Variants in METTL15 observed in about 807,000 individuals in gnomAD.
METTL15 encodes 12S rRNA N(4)-cytidine methyltransferase METTL15.
METTL15 carries 34 observed loss-of-function variants against 38.3 expected under a neutral mutation model. That is an observed-to-expected ratio of 0.89 (90% CI 0.68 to 1.18). The LOEUF is 1.18. Ranked by LOEUF, METTL15 falls within the 50% of genes most tolerant of loss-of-function variation. METTL15 has a pLI of 0.00. For missense variants in METTL15, 438 were observed against 498.4 expected (o/e 0.88, Z 1.15); for synonymous variants, 162 against 170.9 (o/e 0.95, Z 0.41).
intron 4 of METTL15, among the ~76,000 whole-genome samples, chr11:28,360,962 T>C (rs1421219319): frequency 6.6e-6 from 1 of 151,984 alleles, no homozygotes; most frequent in Non-Finnish European, 1.5e-5. Context: ...TCCAATTTCA[T>C]CCATGTCCCT....
At chr11:28,213,404 A>G (rs1457530717) in intron 4 of METTL15, among the ~76,000 whole-genome samples, 2 of 152,084 alleles carry the variant, frequency 1.3e-5, no homozygotes, top group Admixed American at 6.5e-5. Context: ...TTCAGAGGGA[A>G]GACCAACCAT....
rs1345255077 is a variant in METTL15 at position 28,311,828 on chromosome 11, A to T, written c.778+14897A>T. On this transcript the variant is annotated intron_variant, in intron 6 of 6. Transcript: ENST00000407364. Reference sequence around the variant, plus strand: ...GAGTGAGTTAGTGGGTAATTGAGTGAGTTGGACAGTGCTATACAAATTTCA... The same window carrying T: ...GAGTGAGTTAGTGGGTAATTGAGTGTGTTGGACAGTGCTATACAAATTTCA... Among the ~76,000 whole-genome samples the T allele has an allele frequency of 2.0e-5, 3 of 152,360 alleles. No homozygotes were observed. In the East Asian group the frequency reaches 5.8e-4, roughly 29 times the overall value.
chr11:28,278,230 T>C (rs1473653493), intron 4 of METTL15, among the ~76,000 whole-genome samples: 5 of 152,078 alleles, frequency 3.3e-5, no homozygotes, highest in African/African-American at 7.2e-5. Context: ...CACTGGGGCA[T>C]TGGAATTTAA....
At chr11:28,389,184 T>C (rs566687839) in intron 5 of METTL15, among the ~76,000 whole-genome samples, 1 of 151,964 alleles carries the variant, frequency 6.6e-6, no homozygotes, top group East Asian at 2.0e-4. Context: ...TATAATCCTT[T>C]GGGTATATAC....
At chr11:28,461,512 T>C (rs1851214497) in intron 6 of METTL15, among the ~76,000 whole-genome samples, 1 of 152,080 alleles carries the variant, frequency 6.6e-6, no homozygotes, top group Admixed American at 6.6e-5. Flanking sequence ...CTGTCTGTTA[T>C]ACAATGTAGC....
intron 6 of METTL15, among the ~76,000 whole-genome samples, chr11:28,465,613 C>G (rs1451525598): frequency 2.0e-5 from 3 of 152,176 alleles, no homozygotes; most frequent in African/African-American, 7.2e-5. Context: ...TAATGGTTGC[C>G]AAATCAGAAA....
intron 5 of METTL15, among the ~76,000 whole-genome samples, chr11:28,383,302 A>T (rs368385260): frequency 1.5e-3 from 228 of 152,090 alleles, no homozygotes; most frequent in African/African-American, 5.4e-3. Context: ...TGATCTCATT[A>T]TTTTTATGGG....
At chr11:28,417,045 T>G (rs1278212103) in intron 5 of METTL15, among the ~76,000 whole-genome samples, 1 of 152,218 alleles carries the variant, frequency 6.6e-6, no homozygotes, top group Admixed American at 6.5e-5. Flanking sequence ...CACTGTGGAT[T>G]TATTAATCAC....
In METTL15 at chr11:28,290,233, G is replaced by A; in HGVS notation, c.435G>A (p.Gln145=). ...AACAAATCCGAGCTATGCTGGGCCAGTTCAGCCAGGCAGAAGCCTTATTAA... is the reference window on the plus strand; with the variant it reads ...AACAAATCCGAGCTATGCTGGGCCAATTCAGCCAGGCAGAAGCCTTATTAA... The part of the protein sequence containing the change: ...YPKQIRAMLG[Q]FSQAEALLMK... Residue 145 remains glutamine, a synonymous_variant, in exon 5 of 7, where the codon CAG becomes CAA. Coordinates refer to ENST00000407364, the MANE Select transcript of METTL15 (RefSeq NM_001113528.2). 1 of 1,612,540 alleles carries A rather than the reference G, an allele frequency of 6.2e-7. No individual in the cohort carries two copies. Among genetic ancestry groups the A allele is most frequent in the Non-Finnish European group, 8.5e-7 (1 of 1,179,184 alleles).
intron 5 of METTL15, among the ~76,000 whole-genome samples, chr11:28,423,565 C>T (rs1850839434): frequency 6.6e-6 from 1 of 151,960 alleles, no homozygotes; most frequent in Non-Finnish European, 1.5e-5. Context: ...CATGGATAGA[C>T]TGGAGGTTAT....
chr11:28,186,612 A>G (rs987066660), intron 3 of METTL15, among the ~76,000 whole-genome samples: 2 of 151,176 alleles, frequency 1.3e-5, no homozygotes, highest in Non-Finnish European at 3.0e-5. Context: ...ACTGTGTTAT[A>G]GGTGAAAATA....
chr11:28,232,642 A>C (rs908120903), intron 4 of METTL15, among the ~76,000 whole-genome samples: 1 of 151,964 alleles, frequency 6.6e-6, no homozygotes, highest in East Asian at 1.9e-4. Flanking sequence ...TATTAAAAGG[A>C]ACATATTGTG....
At chr11:28,233,693 G>T (rs539771335) in intron 4 of METTL15, among the ~76,000 whole-genome samples, 2 of 152,022 alleles carry the variant, frequency 1.3e-5, no homozygotes, top group African/African-American at 4.8e-5. Flanking sequence ...CAGTCACTCA[G>T]CTAACATCCA....
chr11:28,252,999 T>C (rs1312299583), intron 4 of METTL15, among the ~76,000 whole-genome samples: 4 of 152,170 alleles, frequency 2.6e-5, no homozygotes, highest in Non-Finnish European at 2.9e-5. Context: ...CCTCCTCCTC[T>C]AACAGACTTC....
At chr11:28,456,764 C>T (rs1851172906) in intron 6 of METTL15, among the ~76,000 whole-genome samples, 2 of 152,084 alleles carry the variant, frequency 1.3e-5, no homozygotes, top group African/African-American at 2.4e-5. Context: ...TTAAGAAGCT[C>T]AAGCCACATA....
chr11:28,237,870 C>T (rs1854079809), intron 4 of METTL15, among the ~76,000 whole-genome samples: 1 of 152,206 alleles, frequency 6.6e-6, no homozygotes, highest in African/African-American at 2.4e-5. Flanking sequence ...GAGGTCCACT[C>T]CAGACCCTGT....
intron 6 of METTL15, among the ~76,000 whole-genome samples, chr11:28,317,552 TAAA>T (rs1460605143): frequency 6.6e-6 from 1 of 152,194 alleles, no homozygotes; most frequent in Non-Finnish European, 1.5e-5. Context: ...TTCACAAGCT[TAAA>T]AATCTCAATA....
intron 3 of METTL15, among the ~76,000 whole-genome samples, chr11:28,345,588 C>T (rs1473489514): frequency 2.0e-5 from 3 of 152,198 alleles, no homozygotes; most frequent in Non-Finnish European, 4.4e-5. Context: ...CTGCATCACA[C>T]ATGGAATAAG....
chr11:28,394,321 T>C (rs1179610477), intron 5 of METTL15, among the ~76,000 whole-genome samples: 2 of 151,952 alleles, frequency 1.3e-5, no homozygotes, highest in Non-Finnish European at 2.9e-5. Context: ...GCAGGAAGAG[T>C]TAGAAAAGCT....
Sources: gnomAD v4.1 joint callset for allele counts (sites outside exome capture counted in the v4.1 genomes callset) on GRCh38, gnomAD v4.1.1 for gene constraint, MANE v1.5 for transcripts, NCBI Gene and HGNC (gene_info 2026-07-23, HGNC 2026-07-21) for gene names.